Variants in RIMBP2 observed in about 807,000 individuals in gnomAD.
The protein encoded by RIMBP2 is RIMS-binding protein 2.
Under a neutral mutation model 118.6 loss-of-function variants are expected in RIMBP2, and 48 were observed. The ratio of observed to expected loss-of-function variants is 0.40; its 90% CI spans 0.32 to 0.51. RIMBP2 has a LOEUF of 0.51. Among genes scored for constraint, RIMBP2 ranks in the 20% least tolerant of loss-of-function variants. RIMBP2 has a pLI of 0.41. For missense variants in RIMBP2, 1,551 were observed against 1,768.3 expected (o/e 0.88, Z 2.20); for synonymous variants, 762 against 742.9 (o/e 1.03, Z -0.42).
chr12:130,484,166 G>A (rs1044461390), intron 4 of RIMBP2, among the ~76,000 whole-genome samples: 4 of 152,168 alleles, frequency 2.6e-5, no homozygotes, highest in Admixed American at 6.5e-5. Flanking sequence ...GCCCCATGTC[G>A]CATCCCAGCT....
chr12:130,468,959 T>G (rs1215854490), intron 6 of RIMBP2: 1 of 152,046 alleles, frequency 6.6e-6, no homozygotes, highest in Non-Finnish European at 1.5e-5. Flanking sequence ...GCCCTGCTTG[T>G]GGAGCTCCTC....
intron 2 of RIMBP2, among the ~76,000 whole-genome samples, chr12:130,547,118 T>G (rs967248268): frequency 6.6e-6 from 1 of 152,246 alleles, no homozygotes; most frequent in East Asian, 1.9e-4. Context: ...CTGTTTCTTA[T>G]GTCTGTGTCT....
intron 5 of RIMBP2, chr12:130,472,238 T>G (rs2081070099): frequency 6.6e-6 from 1 of 152,272 alleles, no homozygotes; most frequent in Admixed American, 6.5e-5. Context: ...TGTTTGGGTT[T>G]TCTGTCGCTT....
At chr12:130,601,232 G>A (rs1435368798) in intron 2 of RIMBP2, among the ~76,000 whole-genome samples, 4 of 151,102 alleles carry the variant, frequency 2.6e-5, no homozygotes, top group African/African-American at 7.3e-5. Context: ...AGTTAGTCCA[G>A]GCCGCCGGAG....
At chr12:130,546,884 C>A (rs2055229777) in intron 2 of RIMBP2, among the ~76,000 whole-genome samples, 1 of 152,322 alleles carries the variant, frequency 6.6e-6, no homozygotes, top group Non-Finnish European at 1.5e-5. Flanking sequence ...GCAACCCTGG[C>A]CTATTTCCCT....
At chr12:130,712,466 C>T (rs1016403887) in intron 1 of RIMBP2, among the ~76,000 whole-genome samples, 6 of 152,080 alleles carry the variant, frequency 3.9e-5, no homozygotes, top group East Asian at 1.9e-4. Context: ...TAGGCCTCCC[C>T]GGGGCCAGCA....
intron 1 of RIMBP2, among the ~76,000 whole-genome samples, chr12:130,638,772 A>T (rs2062466904): frequency 6.6e-6 from 1 of 152,144 alleles, no homozygotes; most frequent in Non-Finnish European, 1.5e-5. Context: ...GTTAAAAAAA[A>T]AAAAATTAGT....
rs369852485 is a variant in RIMBP2, at chr12:130,428,459, C to T, written c.2254-122G>A. ...CTCACGGGGCTCACAGGCCTAGAGACGGGCACAGGGTGTGTGTTACTCGTT... is the reference window on the plus strand; with the variant it reads ...CTCACGGGGCTCACAGGCCTAGAGATGGGCACAGGGTGTGTGTTACTCGTT... On this transcript the variant is annotated intron_variant, in intron 14 of 22. Coordinates refer to ENST00000690449, the MANE Select transcript of RIMBP2 (RefSeq NM_001393629.1). 3.8e-5 allele frequency: 38 copies of T among 989,022 alleles called. No homozygotes were observed. The East Asian group carries it at 4.9e-4, about 13-fold the overall frequency. The allele number at this position is 989,022 out of a possible 1,614,324, so 61.3% of individuals were successfully genotyped here.
chr12:130,668,135 G>C (rs1364942032), intron 1 of RIMBP2: 3 of 152,206 alleles, frequency 2.0e-5, no homozygotes, highest in Non-Finnish European at 2.9e-5. Flanking sequence ...CAGTGTGGGG[G>C]CCTCAGGTGG....
Position 130,683,394 on chromosome 12 carries a change from G to T in RIMBP2, c.-352+32828C>A, listed in dbSNP as rs1207538685. Among the ~76,000 whole-genome samples, 1 of 152,208 alleles carries T rather than the reference G, an allele frequency of 6.6e-6. No homozygotes were observed. Among genetic ancestry groups the T allele is most frequent in the Admixed American group, 6.5e-5 (1 of 15,286 alleles). ...CCAGCCTCCAGAGCTGCGAGAGGAT[G>T]CATTCAGGTTGTAAAGGCCCCCAGC... On this transcript the variant is annotated intron_variant, in intron 1 of 22. Transcript: ENST00000690449. The surrounding 1 kb of genome is among the most constrained non-coding windows in gnomAD (Gnocchi z 4.4).
chr12:130,628,187 T>A, intron 2 of RIMBP2, 135 bp downstream of exon 2: 1 of 152,214 alleles, frequency 6.6e-6, no homozygotes, highest in Non-Finnish European at 1.5e-5. Flanking sequence ...TACTACTTAG[T>A]CCTCTTAATT....
At chr12:130,584,773 CACCTTCATCACT>C (rs2058773363) in intron 2 of RIMBP2, among the ~76,000 whole-genome samples, 1 of 152,158 alleles carries the variant, frequency 6.6e-6, no homozygotes, top group Non-Finnish European at 1.5e-5. Context: ...ACATCATCAT[CACCTTCATCACT>C]ACCATCACTA....
At chr12:130,452,833 G>A (rs2137416012) in intron 7 of RIMBP2, among the ~76,000 whole-genome samples, 1 of 152,354 alleles carries the variant, frequency 6.6e-6, no homozygotes, top group South Asian at 2.1e-4. Flanking sequence ...CACAGCTGAT[G>A]AAGGTGATAT....
chr12:130,455,887 C>G (rs561980124), intron 7 of RIMBP2, among the ~76,000 whole-genome samples: 1 of 152,168 alleles, frequency 6.6e-6, no homozygotes, highest in African/African-American at 2.4e-5. Context: ...TAAAGGACAT[C>G]TGTGATCGCT....
At position 130,456,617 on chromosome 12, in the gene RIMBP2, C is replaced by G. The variant is rs1443902384; in HGVS notation, c.237G>C (p.Arg79=). ...NLLSRDLEKF[R]QHAGKIDLLG... is the part of the protein sequence containing the mutation. ...GCAGGTCAATCTTGCCAGCGTGCTGCCGGAACTTCTCCAGGTCCCGGGACA... is the reference window on the plus strand; with the variant it reads ...GCAGGTCAATCTTGCCAGCGTGCTGGCGGAACTTCTCCAGGTCCCGGGACA... The change falls in exon 7 of 23, where the codon CGG becomes CGC. Residue 79 remains arginine (R), a synonymous_variant. Coordinates refer to ENST00000690449, the MANE Select transcript of RIMBP2 (RefSeq NM_001393629.1). 1 of 1,613,688 alleles carries G rather than the reference C, an allele frequency of 6.2e-7. No individual in the cohort carries two copies. The highest frequency in any genetic ancestry group is 2.2e-5 in the East Asian group (1 of 44,878).
At position 130,521,035 on chromosome 12, in the gene RIMBP2, G is replaced by A. The variant is rs369152576; in HGVS notation, c.-216-3118C>T. Among the ~76,000 whole-genome samples the A allele has an allele frequency of 2.6e-5, 4 of 152,304 alleles. No individual in the cohort carries two copies. The East Asian group carries it at 7.7e-4, about 29-fold the overall frequency. On this transcript the variant is annotated intron_variant, in intron 2 of 22. Coordinates refer to ENST00000690449, the MANE Select transcript of RIMBP2 (RefSeq NM_001393629.1). ...ACTGTCCCCTGCAGTGGCAGGCATG[G>A]ATACCACCCTGACATGCATGTGTTT...
intron 1 of RIMBP2, among the ~76,000 whole-genome samples, chr12:130,642,531 C>G (rs374623315): frequency 1.3e-5 from 2 of 152,178 alleles, no homozygotes; most frequent in Non-Finnish European, 2.9e-5. Flanking sequence ...GTGATCTGCC[C>G]GCTTTGGCCT....
In RIMBP2 at chr12:130,620,130, G is replaced by A. The variant is rs1363783280; in HGVS notation, c.-217+8192C>T. ...CTTCTGGCCAGAGCTTCCAGACTCT[G>A]CTTTGGAAGTGGTCTGCTGAGGGCA... is the stretch of plus-strand genomic sequence containing the variant. On this transcript the variant is annotated intron_variant, in intron 2 of 22. Transcript: ENST00000690449. This position sits in a 1 kb window ranked among gnomAD's most constrained non-coding sequence, Gnocchi z 5.3. 6.6e-6 allele frequency among the ~76,000 whole-genome samples: 1 copy of A among 152,202 alleles called. No homozygotes were observed. The highest frequency in any genetic ancestry group is 1.5e-5 in the Non-Finnish European group (1 of 68,038).
At chr12:130,707,452 T>G (rs1949576803) in intron 1 of RIMBP2, among the ~76,000 whole-genome samples, 1 of 152,064 alleles carries the variant, frequency 6.6e-6, no homozygotes, top group African/African-American at 2.4e-5. Context: ...CAGGGAAGGC[T>G]TCTCAGAGGC....
Sources: allele counts gnomAD v4.1 joint callset (sites outside exome capture counted in the v4.1 genomes callset), GRCh38; gene constraint gnomAD v4.1.1; non-coding constraint Gnocchi (gnomAD v3.1); transcripts MANE v1.5; gene names NCBI Gene and HGNC (gene_info 2026-07-23, HGNC 2026-07-21).